Variants in ZNF423 observed in about 807,000 individuals in gnomAD.
The protein encoded by ZNF423 is zinc finger protein 423, also known as Ebf-associated zinc finger protein.
In ZNF423, 12 loss-of-function variants were observed where a neutral mutation model predicts 95.8. The observed-to-expected ratio is 0.13, with a 90% CI of 0.08 to 0.20. The LOEUF (loss-of-function observed/expected upper bound fraction) is 0.20, where lower values mean the gene tolerates loss of function less well. ZNF423 is among the 10% of genes least tolerant of loss of function. ZNF423 has a pLI of 1.00. For synonymous variants in ZNF423, 749 were observed against 711.9 expected (o/e 1.05, Z -0.83); for missense variants, 1,316 against 1,737.1 (o/e 0.76, Z 4.31).
Position 49,855,346 on chromosome 16 carries a change from T to A in ZNF423, c.40+389A>T, listed in dbSNP as rs1252896192. On this transcript the variant is annotated intron_variant, in intron 1 of 7. Coordinates refer to ENST00000563137, the MANE Select transcript of ZNF423 (RefSeq NM_001379286.1). The surrounding 1 kb of genome is among the most constrained non-coding windows in gnomAD (Gnocchi z 4.7). ...TGTCGCCCGCCCGCCGCCGCCGAGA[T>A]TCGCAATCCCCGCCAAGTCGGGCCA... Among the ~76,000 whole-genome samples, 1 of 138,752 alleles carries A rather than the reference T, an allele frequency of 7.2e-6. No homozygotes were observed. The highest frequency in any genetic ancestry group is 1.6e-5 in the Non-Finnish European group (1 of 63,506). 91.0% of individuals were successfully genotyped at this position (138,752 alleles called of 152,430 possible).
intron 2 of ZNF423, among the ~76,000 whole-genome samples, chr16:49,741,516 A>AC: frequency 6.8e-6 from 1 of 147,664 alleles, no homozygotes; most frequent in African/African-American, 2.5e-5. Flanking sequence ...CAAAAAAAAA[A>AC]GAAGAAGAAG....
At chr16:49,681,761 ATTTTCT>A (rs981030851) in intron 3 of ZNF423, among the ~76,000 whole-genome samples, 4 of 151,438 alleles carry the variant, frequency 2.6e-5, no homozygotes, top group Non-Finnish European at 4.4e-5. Context: ...TCATATTATG[ATTTTCT>A]TTTTCTTTTT....
At chr16:49,803,714 G>A (rs2034614767) in intron 1 of ZNF423, among the ~76,000 whole-genome samples, 1 of 152,114 alleles carries the variant, frequency 6.6e-6, no homozygotes, top group Non-Finnish European at 1.5e-5. Flanking sequence ...CTGAGTGAGT[G>A]AATGAATGAA....
chr16:49,839,524 C>T (rs1306718898), intron 1 of ZNF423, among the ~76,000 whole-genome samples: 2 of 152,226 alleles, frequency 1.3e-5, no homozygotes, highest in Non-Finnish European at 2.9e-5. Context: ...ATCCTCTGAG[C>T]CCTCCCAGTT....
intron 5 of ZNF423, among the ~76,000 whole-genome samples, chr16:49,543,812 T>C (rs1022855083): frequency 3.3e-5 from 5 of 151,900 alleles, no homozygotes; most frequent in African/African-American, 1.2e-4. Context: ...GCCGGAGTCA[T>C]ATGACCCCGG....
intron 5 of ZNF423, among the ~76,000 whole-genome samples, chr16:49,535,629 T>G (rs576754166): frequency 5.9e-5 from 9 of 152,268 alleles, no homozygotes; most frequent in African/African-American, 2.2e-4. Context: ...CTCTTGGAGT[T>G]CTATACAACT....
At chr16:49,762,282 A>T (rs976233049) in intron 2 of ZNF423, among the ~76,000 whole-genome samples, 2 of 152,286 alleles carry the variant, frequency 1.3e-5, no homozygotes, top group African/African-American at 4.8e-5. Flanking sequence ...CACGTCCCCC[A>T]GCGCCCCAGA....
rs370042590 is a variant in ZNF423, at chr16:49,626,216, G to A, written c.3555C>T (p.Phe1185=). 2.2e-5 allele frequency: 36 copies of A among 1,614,058 alleles called. No individual in the cohort carries two copies. Among genetic ancestry groups the A allele is most frequent in the South Asian group, 2.0e-4 (18 of 91,070 alleles). ...TYQCIKCQMT[F]ENEREIQIHV... is the part of the protein sequence containing the mutation. ...GGATTTGGATCTCTCTCTCGTTCTC[G>A]AAGGTCATCTGGCACTTGATGCACT... The change falls in exon 5 of 8, where the codon TTC becomes TTT. Residue 1185 remains phenylalanine (F), a synonymous_variant. Coordinates refer to ENST00000563137, the MANE Select transcript of ZNF423 (RefSeq NM_001379286.1).
At chr16:49,701,634 A>G (rs2032186857) in intron 3 of ZNF423, among the ~76,000 whole-genome samples, 1 of 152,182 alleles carries the variant, frequency 6.6e-6, no homozygotes, top group Non-Finnish European at 1.5e-5. Context: ...ACCAAAAAGA[A>G]AAATAATTTA....
intron 5 of ZNF423, among the ~76,000 whole-genome samples, chr16:49,533,400 C>T (rs952297608): frequency 1.4e-4 from 22 of 152,230 alleles, no homozygotes; most frequent in African/African-American, 5.1e-4. Context: ...ATGGCAAGAT[C>T]GGCCATCTGG....
At chr16:49,787,891 A>G (rs2034342571) in intron 2 of ZNF423, among the ~76,000 whole-genome samples, 1 of 152,108 alleles carries the variant, frequency 6.6e-6, no homozygotes, top group Admixed American at 6.5e-5. Flanking sequence ...TCCTCTCTAG[A>G]GCGGGCAGCA....
intron 2 of ZNF423, among the ~76,000 whole-genome samples, chr16:49,736,939 G>T (rs147928594): frequency 6.6e-6 from 1 of 152,346 alleles, no homozygotes; most frequent in South Asian, 2.1e-4. Context: ...ATGCCCTCTA[G>T]AGGGAAGGAG....
chr16:49,802,845 G>A (rs946477277), intron 1 of ZNF423, among the ~76,000 whole-genome samples: 2 of 152,222 alleles, frequency 1.3e-5, no homozygotes, highest in Admixed American at 1.3e-4. Flanking sequence ...AATGAAGAAA[G>A]TAAAAGCACA....
intron 1 of ZNF423, among the ~76,000 whole-genome samples, chr16:49,837,491 T>C (rs1419741605): frequency 6.6e-6 from 1 of 152,174 alleles, no homozygotes; most frequent in Non-Finnish European, 1.5e-5. Context: ...TGGCTTTCCC[T>C]GGGGACTCCC....
intron 3 of ZNF423, among the ~76,000 whole-genome samples, chr16:49,689,433 C>CAG (rs1055634165): frequency 3.3e-5 from 5 of 151,742 alleles, no homozygotes; most frequent in East Asian, 1.9e-4. Context: ...GCCTCGGCGA[C>CAG]AGAGAGAGAG....
intron 1 of ZNF423, among the ~76,000 whole-genome samples, chr16:49,835,555 CG>C (rs1052697186): frequency 2.6e-5 from 4 of 152,184 alleles, no homozygotes; most frequent in African/African-American, 4.8e-5. Flanking sequence ...CAGTCTGCTC[CG>C]GGGAGATGCG....
intron 3 of ZNF423, among the ~76,000 whole-genome samples, chr16:49,718,960 T>C (rs1332472668): frequency 6.6e-6 from 1 of 152,184 alleles, no homozygotes; most frequent in Non-Finnish European, 1.5e-5. Context: ...CTCCCCTCTA[T>C]TTGCCTCTTT....
intron 3 of ZNF423, among the ~76,000 whole-genome samples, chr16:49,670,875 C>A (rs1004359029): frequency 6.6e-6 from 1 of 152,178 alleles, no homozygotes; most frequent in Non-Finnish European, 1.5e-5. Flanking sequence ...AGTGTGTGGG[C>A]TCTTTAAAAA....
Position 49,491,160 on chromosome 16 carries a change from A to T in ZNF423, c.*115T>A. 1.6e-6 allele frequency: 2 copies of T among 1,253,232 alleles called. No individual in the cohort carries two copies. The highest frequency in any genetic ancestry group is 2.3e-6 in the Non-Finnish European group (2 of 854,908). The allele number at this position is 1,253,232 out of a possible 1,614,324, so 77.6% of individuals were successfully genotyped here. A position where few individuals can be genotyped will look rare whatever the true frequency, so the allele number is the denominator to read the frequency against. On this transcript the variant is annotated 3_prime_UTR_variant, in exon 8 of 8. Coordinates refer to ENST00000563137, the MANE Select transcript of ZNF423 (RefSeq NM_001379286.1). Reference sequence around the variant, plus strand: ...AGCAGCGCCTCATGGCCAAATCATTAGAGTTTTACATCTGGGTTGCAAATG... The same window carrying T: ...AGCAGCGCCTCATGGCCAAATCATTTGAGTTTTACATCTGGGTTGCAAATG...
Sources: gnomAD v4.1 joint callset for allele counts (sites outside exome capture counted in the v4.1 genomes callset) on GRCh38, gnomAD v4.1.1 for gene constraint, Gnocchi (gnomAD v3.1) non-coding constraint, MANE v1.5 for transcripts, NCBI Gene and HGNC (gene_info 2026-07-23, HGNC 2026-07-21) for gene names.